OTOGL: variants seen among roughly 807,000 people sequenced by gnomAD.
The protein encoded by OTOGL is otogelin like.
A neutral mutation model predicts 318.5 loss-of-function variants in OTOGL; 285 were observed. The observed-to-expected ratio is 0.89, with a 90% CI of 0.81 to 0.99. The LOEUF (loss-of-function observed/expected upper bound fraction) is 0.99. OTOGL is among the 50% of genes least tolerant of loss of function. OTOGL has a pLI of 0.00. For missense variants in OTOGL, 2,899 were observed against 2,845.6 expected, an observed-to-expected ratio of 1.02 and a Z score of -0.43; for synonymous variants, 987 against 936.5, an observed-to-expected ratio of 1.05 and a Z score of -0.99.
chr12:80,330,469 TATAAGGGGA>T (rs1413293193), intron 37 of OTOGL, among the ~76,000 whole-genome samples: 1 of 152,200 alleles, frequency 6.6e-6, no homozygotes, highest in African/African-American at 2.4e-5. Context: ...TCATTCAATT[TATAAGGGGA>T]ATAAGTCTAT....
chr12:80,261,846 A>C (rs1386978291), intron 18 of OTOGL, 123 bp from the exon 19 acceptor site: 196 of 1,207,806 alleles, frequency 1.6e-4, no homozygotes, highest in Middle Eastern at 5.4e-4. Flanking sequence ...ACTGGTAGAA[A>C]ATTTCAAGCT....
chr12:80,268,143 C>T (rs1343739776), intron 22 of OTOGL, among the ~76,000 whole-genome samples: 2 of 152,140 alleles, frequency 1.3e-5, no homozygotes, highest in African/African-American at 2.4e-5. Flanking sequence ...GCAGTCCATA[C>T]TTACATATAA....
At chr12:80,339,017 C>A in intron 42 of OTOGL, 58 bp from the exon 43 acceptor site, 2 of 1,322,464 alleles carry the variant, frequency 1.5e-6, no homozygotes, top group Non-Finnish European at 2.1e-6. Flanking sequence ...AATCTGTATT[C>A]TCCTAATTTG....
Position 80,360,448 on chromosome 12 carries a change from CT to C in OTOGL, c.6267+1549del, listed in dbSNP as rs1460104011. On this transcript the variant is annotated intron_variant, in intron 52 of 58. Transcript: ENST00000547103. ...CTCCCCCTCTCTCCCCCTCCCCCCC[CT>C]CGCTCTTTCCCTCTCTCTCCTCTCT... Among the ~76,000 whole-genome samples the C allele has an allele frequency of 2.9e-3, 364 of 124,670 alleles. 4 individuals carry two copies. The highest frequency in any genetic ancestry group is 0.011 in the African/African-American group (349 of 32,214). The allele number at this position is 124,670 out of a possible 152,430, so 81.8% of individuals were successfully genotyped here.
chr12:80,214,944 T>G (rs1405801851), intron 4 of OTOGL, among the ~76,000 whole-genome samples: 1 of 152,200 alleles, frequency 6.6e-6, no homozygotes, highest in Non-Finnish European at 1.5e-5. Flanking sequence ...TTAGCCTTGG[T>G]GAAATGTATT....
In OTOGL at chr12:80,342,122, AT is replaced by A; in HGVS notation, c.5228del (p.Leu1743TyrfsTer2). ...GAGCATGATTGCAGCCAGTGCATTG[AT>A]TTATTAAATAGAAGAATTTTCATTC... ...CTEHDCSQCI[D>X]LLNRRIFIPC... On this transcript the variant is annotated frameshift_variant, in exon 44 of 59. Transcript: ENST00000547103. LOFTEE classifies it high-confidence loss of function. 6.3e-7 allele frequency: 1 copy of A among 1,595,858 alleles called. No individual in the cohort carries two copies. The highest frequency in any genetic ancestry group is 8.5e-7 in the Non-Finnish European group (1 of 1,170,076).
chr12:80,145,190 G>A (rs1322511458), intron 1 of OTOGL, among the ~76,000 whole-genome samples: 1 of 150,722 alleles, frequency 6.6e-6, no homozygotes, highest in African/African-American at 2.5e-5. Flanking sequence ...ATGGTTTTAG[G>A]TCTAACGTTT....
chr12:80,110,217 G>A (rs1290730758), intron 1 of OTOGL, among the ~76,000 whole-genome samples: 2 of 151,792 alleles, frequency 1.3e-5, no homozygotes, highest in African/African-American at 2.4e-5. Context: ...ACAGGCGCCC[G>A]CCACCACACC....
At chr12:80,152,244 G>A (rs773902544) in intron 1 of OTOGL, among the ~76,000 whole-genome samples, 24 of 152,092 alleles carry the variant, frequency 1.6e-4, no homozygotes, top group Non-Finnish European at 2.6e-4. Context: ...GTTTAATAGT[G>A]AAGAACAGAG....
chr12:80,229,410 A>T, intron 8 of OTOGL, 32 bp downstream of exon 8: 1 of 1,570,594 alleles, frequency 6.4e-7, no homozygotes, highest in Non-Finnish European at 8.7e-7. Context: ...AATGTCAGTA[A>T]CACCACAAAT....
In OTOGL at chr12:80,252,123, T is replaced by G; in HGVS notation, c.1207T>G (p.Cys403Gly). Residue 403 changes from cysteine to glycine, a missense_variant, in exon 13 of 59, where the codon TGT becomes GGT. Around this residue, in one of 3 missense-constraint regions of OTOGL, gnomAD observed 2,607 missense variants for 2,524.9 expected, o/e 1.03. Transcript: ENST00000547103. ...TGTCCATCGGGACTGTATCAGTTGT[T>G]GTCCACCAACCTGCACATTTGAGAA... Reference protein sequence around the residue: ...SFVHRDCISCCPPTCTFEKQC... With the variant: ...SFVHRDCISCGPPTCTFEKQC... 6.4e-7 allele frequency: 1 copy of G among 1,566,512 alleles called. No homozygotes were observed. The highest frequency in any genetic ancestry group is 2.3e-5 in the East Asian group (1 of 42,736).
intron 1 of OTOGL, among the ~76,000 whole-genome samples, chr12:80,182,277 A>G (rs1259734863): frequency 6.6e-6 from 1 of 152,226 alleles, no homozygotes; most frequent in Non-Finnish European, 1.5e-5. Flanking sequence ...AATCTATAAC[A>G]GAGGCTTGGT....
At chr12:80,160,940 A>G (rs1337824356) in intron 1 of OTOGL, among the ~76,000 whole-genome samples, 1 of 152,152 alleles carries the variant, frequency 6.6e-6, no homozygotes, top group Admixed American at 6.6e-5. Flanking sequence ...AGCAACGTGA[A>G]TGGAACTGGA....
intron 56 of OTOGL, 123 bp from the exon 57 acceptor site, chr12:80,371,896 T>C (rs1036446300): frequency 3.0e-5 from 13 of 434,904 alleles, no homozygotes; most frequent in South Asian, 6.2e-5. Flanking sequence ...TTCCAACTAT[T>C]TTTCTATGAA....
chr12:80,179,334 C>T (rs936593180), intron 1 of OTOGL, among the ~76,000 whole-genome samples: 8 of 152,064 alleles, frequency 5.3e-5, no homozygotes, highest in Non-Finnish European at 1.0e-4. Flanking sequence ...AGAAAATGGG[C>T]CATGCTTCAT....
chr12:80,326,514 T>G (rs978757939), intron 35 of OTOGL, among the ~76,000 whole-genome samples: 3 of 152,214 alleles, frequency 2.0e-5, no homozygotes, highest in Non-Finnish European at 4.4e-5. Flanking sequence ...TGGCTGTGGT[T>G]TTGACTTGCA....
intron 7 of OTOGL, among the ~76,000 whole-genome samples, chr12:80,227,890 C>G (rs1391607494): frequency 6.6e-6 from 1 of 152,126 alleles, no homozygotes; most frequent in African/African-American, 2.4e-5. Flanking sequence ...GACACATACC[C>G]TATCCCCTTT....
chr12:80,208,784 T>A lies in OTOGL; in HGVS notation c.-19-629T>A, dbSNP rs57944487. Among the ~76,000 whole-genome samples, 818 of 152,292 alleles carry A rather than the reference T, an allele frequency of 5.4e-3. 7 individuals carry two copies. Among genetic ancestry groups the A allele is most frequent in the African/African-American group, 0.019 (773 of 41,560 alleles). On this transcript the variant is annotated intron_variant, in intron 1 of 58. Coordinates refer to ENST00000547103, the MANE Select transcript of OTOGL (RefSeq NM_001378609.3). ...TCAAGTATAGAATATTATCTTTTTT[T>A]AAAAATTGCTACTTTTGTTGCAGGA...
chr12:80,350,916 C>T (rs1441725875), intron 44 of OTOGL, among the ~76,000 whole-genome samples: 1 of 152,086 alleles, frequency 6.6e-6, no homozygotes, highest in African/African-American at 2.4e-5. Context: ...GATGCAATCC[C>T]ATGTGTCGAT....
Sources: allele counts gnomAD v4.1 joint callset (sites outside exome capture counted in the v4.1 genomes callset), GRCh38; gene constraint gnomAD v4.1.1; regional missense constraint gnomAD v4.1.1; transcripts MANE v1.5; gene names NCBI Gene and HGNC (gene_info 2026-07-23, HGNC 2026-07-21).